CNNM2: variants seen among roughly 807,000 people sequenced by gnomAD.
The protein encoded by CNNM2 is cyclin and CBS domain divalent metal cation transport mediator 2.
Under a neutral mutation model 66.9 loss-of-function variants are expected in CNNM2, and 12 were observed. That is an observed-to-expected ratio of 0.18 (90% CI 0.11 to 0.29). The LOEUF (loss-of-function observed/expected upper bound fraction) is 0.29. Among genes scored for constraint, CNNM2 ranks in the 10% least tolerant of loss-of-function variants. The pLI is 1.00. For synonymous variants in CNNM2, 557 were observed against 501.8 expected (o/e 1.11, Z -1.47); for missense variants, 705 against 1,167.7 (o/e 0.60, Z 5.77).
chr10:102,989,672 G>A (rs907261945), intron 1 of CNNM2, among the ~76,000 whole-genome samples: 4 of 151,712 alleles, frequency 2.6e-5, no homozygotes, highest in South Asian at 2.1e-4. Flanking sequence ...GCATGGTGGC[G>A]CATCCTTGTG....
At position 102,951,181 on chromosome 10, in the gene CNNM2, A is replaced by G. The variant is rs1245612276; in HGVS notation, c.1621+31080A>G. Among the ~76,000 whole-genome samples the G allele has an allele frequency of 2.7e-5, 4 of 150,686 alleles. No individual in the cohort carries two copies. The East Asian group carries it at 7.8e-4, about 29-fold the overall frequency. On this transcript the variant is annotated intron_variant, in intron 1 of 7. Transcript: ENST00000369878. ...TTTTGTATTTTTTTAGTAGAGACAG[A>G]GTTTTACTATATTGGCCAGGCTGGG...
At chr10:102,941,600 G>A (rs1052058011) in intron 1 of CNNM2, among the ~76,000 whole-genome samples, 1 of 152,154 alleles carries the variant, frequency 6.6e-6, no homozygotes, top group African/African-American at 2.4e-5. Flanking sequence ...CTGTGTTGTT[G>A]CTGCTCCTTC....
intron 1 of CNNM2, among the ~76,000 whole-genome samples, chr10:102,948,010 A>G (rs542261765): frequency 2.0e-5 from 3 of 152,188 alleles, no homozygotes; most frequent in Non-Finnish European, 2.9e-5. Flanking sequence ...CCGAGATTGC[A>G]CCACTACACT....
rs942584858 is a variant in CNNM2, at chr10:103,069,246, G to T, written c.2167+524G>T. Among the ~76,000 whole-genome samples the T allele has an allele frequency of 5.3e-5, 8 of 152,126 alleles. 1 individual carries two copies. The South Asian group carries it at 1.2e-3, about 24-fold the overall frequency. On this transcript the variant is annotated intron_variant, in intron 5 of 7. Coordinates refer to ENST00000369878, the MANE Select transcript of CNNM2 (RefSeq NM_017649.5). The stretch of plus-strand genomic sequence containing the variant: ...TGCTGATAGACATTGGGGTAGTCCC[G>T]TCTGGGGCTACTGTCAATATGTGGC...
chr10:102,962,169 G>A (rs943008309), intron 1 of CNNM2, among the ~76,000 whole-genome samples: 10 of 152,228 alleles, frequency 6.6e-5, no homozygotes, highest in African/African-American at 2.4e-4. Context: ...GCCTGTCCCG[G>A]GGGGTGGTGG....
In CNNM2 at chr10:103,077,139, A is replaced by G; in HGVS notation, c.2587A>G (p.Ser863Gly). The change falls in exon 8 of 8, where the codon AGT becomes GGT. Residue 863 changes from serine (S) to glycine (G), a missense_variant. Physicochemically the swap from Ser to Gly is moderately conservative, Grantham distance 56. Coordinates refer to ENST00000369878, the MANE Select transcript of CNNM2 (RefSeq NM_017649.5). ...LLNEQNCVTH[S>G]KANHSLHNEG... ...CAACGAACAGAACTGTGTGACGCAC[A>G]GTAAGGCCAACCACAGCCTGCACAA... 6.2e-7 allele frequency: 1 copy of G among 1,613,854 alleles called. No homozygotes were observed. The highest frequency in any genetic ancestry group is 8.5e-7 in the Non-Finnish European group (1 of 1,179,898).
At chr10:102,992,273 C>CTTTTTTTCT (rs1554896207) in intron 1 of CNNM2, among the ~76,000 whole-genome samples, 2 of 108,492 alleles carry the variant, frequency 1.8e-5, no homozygotes, top group African/African-American at 6.9e-5. Flanking sequence ...CTCCAAGTTC[C>CTTTTTTTCT]TTTTTTTTTT....
chr10:103,054,611 TTTGTTTTG>T lies in CNNM2; in HGVS notation c.1903+148_1903+155del. On this transcript the variant is annotated intron_variant, in intron 3 of 7. Transcript: ENST00000369878. This position sits in a 1 kb window ranked among gnomAD's most constrained non-coding sequence, Gnocchi z 5.2. ...TTTTGTGTTTTGTTTTTTTTGTTTT[TTTGTTTTG>T]TTTTGTTTTTTTCTTTTTAAATTCT... The T allele has an allele frequency of 3.0e-6, 2 of 668,346 alleles. No homozygotes were observed. The highest frequency in any genetic ancestry group is 5.9e-5 in the South Asian group (2 of 33,674). 41.4% of individuals were successfully genotyped at this position (668,346 alleles called of 1,614,324 possible).
At chr10:103,029,283 G>A (rs1460408738) in intron 1 of CNNM2, among the ~76,000 whole-genome samples, 26 of 147,232 alleles carry the variant, frequency 1.8e-4, no homozygotes, top group African/African-American at 1.3e-4. Context: ...CCAACATGGC[G>A]AAACCCCATC....
chr10:103,001,553 T>C (rs1233060416), intron 1 of CNNM2, among the ~76,000 whole-genome samples: 2 of 152,140 alleles, frequency 1.3e-5, no homozygotes, highest in Non-Finnish European at 2.9e-5. Context: ...AAAGAGCTTA[T>C]CTATTTGTAG....
At position 103,089,590 on chromosome 10, in the gene CNNM2, G is replaced by A; in HGVS notation, c.*12410G>A. ...TGGAGCCCCCTCCCTCCCCCGAGTA[G>A]AACCCTAACAGGGACCTCGTTTGTT... On this transcript the variant is annotated 3_prime_UTR_variant, in exon 8 of 8. Transcript: ENST00000369878. The A allele has an allele frequency of 6.9e-7, 1 of 1,455,288 alleles. No homozygotes were observed. The highest frequency in any genetic ancestry group is 9.1e-7 in the Non-Finnish European group (1 of 1,102,360). 90.1% of individuals were successfully genotyped at this position (1,455,288 alleles called of 1,614,324 possible). A position where few individuals can be genotyped will look rare whatever the true frequency, so the allele number is the denominator to read the frequency against.
At chr10:103,052,094 G>A (rs1328692348) in intron 2 of CNNM2, among the ~76,000 whole-genome samples, 1 of 151,808 alleles carries the variant, frequency 6.6e-6, no homozygotes, top group Non-Finnish European at 1.5e-5. Flanking sequence ...GGTCAACATG[G>A]TGAAACCCTG....
chr10:103,051,285 G>T (rs954676016), intron 2 of CNNM2, among the ~76,000 whole-genome samples: 2 of 152,062 alleles, frequency 1.3e-5, no homozygotes, highest in Non-Finnish European at 2.9e-5. Context: ...ACAAAAATTA[G>T]CTGGGCGTGG....
chr10:103,011,679 T>C (rs1393527863), intron 1 of CNNM2, among the ~76,000 whole-genome samples: 1 of 150,500 alleles, frequency 6.6e-6, no homozygotes, highest in Admixed American at 6.7e-5. Flanking sequence ...TGTGTGTGTG[T>C]GTGTGTATGT....
chr10:102,922,062 T>C (rs1336634028), intron 1 of CNNM2, among the ~76,000 whole-genome samples: 3 of 152,222 alleles, frequency 2.0e-5, no homozygotes, highest in Admixed American at 6.5e-5. Flanking sequence ...ATTCTTTAAA[T>C]GATGGAATTA....
intron 1 of CNNM2, among the ~76,000 whole-genome samples, chr10:103,029,482 C>A (rs1280388935): frequency 6.6e-6 from 1 of 150,986 alleles, no homozygotes; most frequent in East Asian, 2.0e-4. Context: ...TAAATAAATA[C>A]ATAAATAATC....
intron 1 of CNNM2, among the ~76,000 whole-genome samples, chr10:102,956,119 C>G (rs892560224): frequency 1.6e-4 from 24 of 152,056 alleles, no homozygotes; most frequent in African/African-American, 5.6e-4. Flanking sequence ...AACTCCGTCT[C>G]TACTAAAAAT....
chr10:103,057,105 G>A (rs1256011194), intron 4 of CNNM2, 141 bp downstream of exon 4: 1 of 763,734 alleles, frequency 1.3e-6, no homozygotes, highest in Non-Finnish European at 2.1e-6. Flanking sequence ...TTATCTTCCT[G>A]TTTTCATATC....
chr10:102,975,470 A>AAT (rs980219966), intron 1 of CNNM2, among the ~76,000 whole-genome samples: 1 of 1,828 alleles, frequency 5.5e-4, no homozygotes, highest in Non-Finnish European at 2.1e-3. Flanking sequence ...ATGGAATTAG[A>AAT]AAAAAAAAAA....
Sources: gnomAD v4.1 joint callset for allele counts (sites outside exome capture counted in the v4.1 genomes callset) on GRCh38, gnomAD v4.1.1 for gene constraint, Gnocchi (gnomAD v3.1) non-coding constraint, MANE v1.5 for transcripts, NCBI Gene and HGNC (gene_info 2026-07-23, HGNC 2026-07-21) for gene names.